Variants in PHTF2 observed in about 807,000 individuals in gnomAD.
PHTF2 encodes putative homeodomain transcription factor 2.
A neutral mutation model predicts 101.2 loss-of-function variants in PHTF2; 60 were observed. The observed-to-expected ratio is 0.59, with a 90% CI of 0.48 to 0.73. The LOEUF (loss-of-function observed/expected upper bound fraction) is 0.73, where lower values mean the gene tolerates loss of function less well. Among genes scored for constraint, PHTF2 ranks in the 30% least tolerant of loss-of-function variants. PHTF2 has a pLI of 0.00. For synonymous variants in PHTF2, 311 were observed against 307.3 expected, an observed-to-expected ratio of 1.01 and a Z score of -0.13; for missense variants, 747 against 908.7, an observed-to-expected ratio of 0.82 and a Z score of 2.29.
intron 3 of PHTF2, among the ~76,000 whole-genome samples, chr7:77,888,402 C>T (rs760902764): frequency 5.3e-5 from 8 of 152,164 alleles, no homozygotes; most frequent in Non-Finnish European, 8.8e-5. Flanking sequence ...GGGCATGAGC[C>T]GCTGCGCCCG....
intron 12 of PHTF2, among the ~76,000 whole-genome samples, 167 bp downstream of exon 11, chr7:77,929,494 A>C (rs1228127272): frequency 6.6e-6 from 1 of 152,146 alleles, no homozygotes; most frequent in African/African-American, 2.4e-5. Context: ...ATAGAATCTC[A>C]GTACTTATAT....
chr7:77,930,234 A>G (rs886411908), intron 12 of PHTF2, among the ~76,000 whole-genome samples: 1 of 151,996 alleles, frequency 6.6e-6, no homozygotes, highest in Non-Finnish European at 1.5e-5. Context: ...GATTACAGGC[A>G]TAAGCCACCC....
At chr7:77,925,846 A>G (rs1197262763) in intron 11 of PHTF2, among the ~76,000 whole-genome samples, 2 of 151,962 alleles carry the variant, frequency 1.3e-5, no homozygotes, top group Non-Finnish European at 2.9e-5. Context: ...TCACGAGGTC[A>G]AGAGATCAAG....
At chr7:77,847,918 C>A (rs1796437320) in intron 2 of PHTF2, among the ~76,000 whole-genome samples, 1 of 152,116 alleles carries the variant, frequency 6.6e-6, no homozygotes, top group Admixed American at 6.6e-5. Context: ...GAGTTCAATT[C>A]TTTTAATTTT....
intron 1 of PHTF2, among the ~76,000 whole-genome samples, chr7:77,808,659 A>G (rs1210609204): frequency 6.6e-6 from 1 of 152,206 alleles, no homozygotes. Context: ...CTCTTTGTGC[A>G]GCTCTCTCCT....
chr7:77,877,684 G>A (rs1316527986), intron 3 of PHTF2, among the ~76,000 whole-genome samples: 1 of 152,160 alleles, frequency 6.6e-6, no homozygotes, highest in Non-Finnish European at 1.5e-5. Context: ...AACCACCATG[G>A]TGTTCTGCTT....
chr7:77,911,307 G>A (rs1802378266), intron 9 of PHTF2, among the ~76,000 whole-genome samples: 1 of 151,706 alleles, frequency 6.6e-6, no homozygotes, highest in Non-Finnish European at 1.5e-5. Flanking sequence ...ATGGCTTCTT[G>A]TATAGTTTGT....
At chr7:77,954,687 AT>A (rs1324293626) in intron 19 of PHTF2, among the ~76,000 whole-genome samples, 170 bp from the exon 19 acceptor site, 5 of 144,418 alleles carry the variant, frequency 3.5e-5, no homozygotes, top group Non-Finnish European at 7.5e-5. Flanking sequence ...TGATTTTCAC[AT>A]TTTTGTTTGT....
At chr7:77,883,038 G>A (rs1384054574) in intron 3 of PHTF2, among the ~76,000 whole-genome samples, 1 of 151,614 alleles carries the variant, frequency 6.6e-6, no homozygotes. Flanking sequence ...AAAAGAATGG[G>A]GTAGCACATA....
intron 18 of PHTF2, among the ~76,000 whole-genome samples, chr7:77,953,541 A>G (rs764544413): frequency 6.6e-5 from 10 of 152,184 alleles, no homozygotes; most frequent in Non-Finnish European, 1.5e-4. Flanking sequence ...TTGGAGTTAC[A>G]TATTTAGTCA....
chr7:77,800,047 T>C (rs1792413179), intron 1 of PHTF2, among the ~76,000 whole-genome samples: 1 of 152,228 alleles, frequency 6.6e-6, no homozygotes, highest in South Asian at 2.1e-4. Context: ...GTATTTGATC[T>C]TGTTTTCAGG....
intron 9 of PHTF2, among the ~76,000 whole-genome samples, chr7:77,917,074 G>A (rs545921209): frequency 2.6e-5 from 4 of 151,926 alleles, no homozygotes; most frequent in African/African-American, 4.8e-5. Context: ...TTTATTAGTC[G>A]GCATTCTGCT....
At chr7:77,872,501 G>T (rs559406578) in intron 3 of PHTF2, among the ~76,000 whole-genome samples, 11 of 152,268 alleles carry the variant, frequency 7.2e-5, no homozygotes, top group African/African-American at 2.6e-4. Context: ...TCTGATTGCC[G>T]CTTTGCCTCT....
rs574424056 is a variant in PHTF2, at chr7:77,936,546, C to A, written c.1339-1164C>A. On this transcript the variant is annotated intron_variant, in intron 12 of 19. Transcript: ENST00000416283. ...AAGATTAGCTGGGCGTGGTGGTGGG[C>A]GCCTATAGTCCCAGCTACTTGGGAG... is the stretch of plus-strand genomic sequence containing the variant. 1.1e-4 allele frequency among the ~76,000 whole-genome samples: 17 copies of A among 151,786 alleles called. No individual in the cohort carries two copies. The Middle Eastern group carries it at 0.01, about 92-fold the overall frequency.
At chr7:77,839,600 G>T (rs1320178717) in intron 1 of PHTF2, among the ~76,000 whole-genome samples, 1 of 151,892 alleles carries the variant, frequency 6.6e-6, no homozygotes, top group Non-Finnish European at 1.5e-5. Flanking sequence ...GAGTTTTTTT[G>T]ATCTTTGAGG....
intron 11 of PHTF2, chr7:77,923,716 C>T (rs1199883461): frequency 1.0e-6 from 1 of 985,160 alleles, no homozygotes; most frequent in Admixed American, 6.2e-5. Context: ...AAAATTTTGT[C>T]TTACTGTATG....
rs1793753969 is a variant in PHTF2 at position 77,815,113 on chromosome 7, AAG to A, written c.-36+16144_-36+16145del. Among the ~76,000 whole-genome samples the A allele has an allele frequency of 4.6e-5, 7 of 152,136 alleles. No homozygotes were observed. The South Asian group carries it at 1.5e-3, about 32-fold the overall frequency. ...AATAAAACAGCAAAATCCCAACAAA[AAG>A]AAAAAAAAAGCCAAAAACAGGACAC... On this transcript the variant is annotated intron_variant, in intron 1 of 19. Coordinates refer to ENST00000416283, the Ensembl canonical transcript of PHTF2.
At chr7:77,954,340 G>A (rs1400385597) in intron 19 of PHTF2, among the ~76,000 whole-genome samples, 3 of 151,998 alleles carry the variant, frequency 2.0e-5, no homozygotes, top group Non-Finnish European at 2.9e-5. Context: ...CACCATGTTA[G>A]CCAGGCTGGT....
chr7:77,901,195 A>C (rs1042103512), intron 6 of PHTF2, among the ~76,000 whole-genome samples: 5 of 152,244 alleles, frequency 3.3e-5, no homozygotes, highest in Admixed American at 6.5e-5. Flanking sequence ...TGCCTCCAGC[A>C]TTGGAGATTA....
Sources: gnomAD v4.1 joint callset for allele counts (sites outside exome capture counted in the v4.1 genomes callset) on GRCh38, gnomAD v4.1.1 for gene constraint, MANE v1.5 for transcripts, NCBI Gene and HGNC (gene_info 2026-07-23, HGNC 2026-07-21) for gene names.